EYS: variants seen among roughly 807,000 people sequenced by gnomAD.
EYS encodes EGF-like photoreceptor maintenance factor, also known as protein eyes shut homolog.
EYS carries 250 observed loss-of-function variants against 282.1 expected under a neutral mutation model. The observed-to-expected ratio is 0.89, with a 90% CI of 0.80 to 0.98. The LOEUF is 0.98. Ranked by LOEUF, EYS falls within the 50% of genes least tolerant of loss-of-function variation. The pLI is 0.00. For synonymous variants in EYS, 1,355 were observed against 1,282.9 expected, an observed-to-expected ratio of 1.06 and a Z score of -1.20; for missense variants, 4,016 against 3,709.0, an observed-to-expected ratio of 1.08 and a Z score of -2.15.
chr6:65,442,453 A>C (rs1029408034), intron 5 of EYS, among the ~76,000 whole-genome samples: 2 of 151,964 alleles, frequency 1.3e-5, no homozygotes, highest in Non-Finnish European at 2.9e-5. Context: ...ACTGTTTTTC[A>C]TAAATTTTAA....
At chr6:64,642,488 T>C (rs1020383189) in intron 22 of EYS, among the ~76,000 whole-genome samples, 1 of 152,234 alleles carries the variant, frequency 6.6e-6, no homozygotes, top group African/African-American at 2.4e-5. Flanking sequence ...GTTATCCTAC[T>C]GTGAGTGAAG....
Position 64,536,576 on chromosome 6 carries a change from C to A in EYS, c.5644+53647G>T, listed in dbSNP as rs531900762. Among the ~76,000 whole-genome samples the A allele has an allele frequency of 4.1e-4, 63 of 152,166 alleles. 1 individual carries two copies. The highest frequency in any genetic ancestry group is 6.8e-3 in the Middle Eastern group (2 of 294). On this transcript the variant is annotated intron_variant, in intron 26 of 42. Coordinates refer to ENST00000503581, the MANE Select transcript of EYS (RefSeq NM_001142800.2). The stretch of plus-strand genomic sequence containing the variant: ...ATTGATTTTTCATTTTAAAAGTCTA[C>A]CCTTTTTCCAAATTAATCTTTATAT...
At chr6:63,977,447 C>T (rs934092522) in intron 35 of EYS, among the ~76,000 whole-genome samples, 6 of 152,000 alleles carry the variant, frequency 3.9e-5, no homozygotes, top group Non-Finnish European at 8.8e-5. Context: ...CTTGTTTTCC[C>T]TTCCCAAAGG....
At chr6:63,990,434 C>A (rs1767554101) in intron 34 of EYS, among the ~76,000 whole-genome samples, 1 of 151,716 alleles carries the variant, frequency 6.6e-6, no homozygotes, top group South Asian at 2.1e-4. Context: ...GAAGAGAAAA[C>A]TCCCAGCTTC....
rs10944495 is a variant in EYS, at chr6:64,396,923, A to T, written c.5928-8083T>A. 1.7e-3 allele frequency among the ~76,000 whole-genome samples: 258 copies of T among 151,916 alleles called. 6 individuals carry two copies. In the East Asian group the frequency reaches 0.045, roughly 27 times the overall value. ...GTGTGCATGCATGTGTGTGCACACA[A>T]GGGTGTGTATGTGTGTGTATTCCTG... On this transcript the variant is annotated intron_variant, in intron 28 of 42. Transcript: ENST00000503581.
intron 5 of EYS, among the ~76,000 whole-genome samples, chr6:65,406,663 T>C (rs899455423): frequency 6.6e-6 from 1 of 152,112 alleles, no homozygotes; most frequent in African/African-American, 2.4e-5. Flanking sequence ...ACTTTTTTCT[T>C]TTAAGACTGT....
chr6:64,846,245 C>T (rs1309007017), intron 19 of EYS, among the ~76,000 whole-genome samples: 1 of 152,102 alleles, frequency 6.6e-6, no homozygotes, highest in East Asian at 1.9e-4. Flanking sequence ...TTCATTAAAA[C>T]ATTGCAATGT....
At chr6:63,917,389 C>T (rs1359282785) in intron 35 of EYS, among the ~76,000 whole-genome samples, 1 of 152,222 alleles carries the variant, frequency 6.6e-6, no homozygotes, top group Admixed American at 6.5e-5. Flanking sequence ...TGCAAACAAC[C>T]TCTGTATATT....
chr6:64,509,373 A>G (rs1182891127), intron 26 of EYS, among the ~76,000 whole-genome samples: 2 of 152,084 alleles, frequency 1.3e-5, no homozygotes, highest in African/African-American at 2.4e-5. Flanking sequence ...GCAGACTCCT[A>G]AAGCTGTCTG....
intron 5 of EYS, among the ~76,000 whole-genome samples, chr6:65,417,582 G>C (rs1767290162): frequency 6.6e-6 from 1 of 151,936 alleles, no homozygotes; most frequent in South Asian, 2.1e-4. Flanking sequence ...TGGGCCATCA[G>C]GTCTCTTGGA....
chr6:65,126,289 G>A (rs1775717126), intron 12 of EYS, among the ~76,000 whole-genome samples: 2 of 152,084 alleles, frequency 1.3e-5, no homozygotes, highest in South Asian at 2.1e-4. Flanking sequence ...GCACACGAAT[G>A]TGCTCAATGT....
chr6:65,606,001 TGAG>T (rs1476545604), intron 2 of EYS, among the ~76,000 whole-genome samples: 1 of 151,604 alleles, frequency 6.6e-6, no homozygotes, highest in East Asian at 1.9e-4. Context: ...GATAAAAACT[TGAG>T]GAAATATTTC....
chr6:65,573,540 C>T (rs997332355), intron 2 of EYS, among the ~76,000 whole-genome samples: 4 of 152,126 alleles, frequency 2.6e-5, no homozygotes, highest in Non-Finnish European at 5.9e-5. Flanking sequence ...AAAAGAACTG[C>T]CACAGATACA....
At chr6:64,771,769 A>T (rs760719039) in intron 22 of EYS, among the ~76,000 whole-genome samples, 7 of 151,764 alleles carry the variant, frequency 4.6e-5, no homozygotes, top group Non-Finnish European at 1.0e-4. Flanking sequence ...TTGTGCTTTC[A>T]TACATGTTCA....
intron 5 of EYS, among the ~76,000 whole-genome samples, chr6:65,410,556 C>T (rs1766948283): frequency 6.6e-6 from 1 of 151,736 alleles, no homozygotes. Flanking sequence ...TCCTTCCCCT[C>T]CCCAGTCTCT....
intron 31 of EYS, among the ~76,000 whole-genome samples, chr6:64,218,933 A>G (rs1217804865): frequency 6.6e-6 from 1 of 152,148 alleles, no homozygotes; most frequent in Non-Finnish European, 1.5e-5. Flanking sequence ...ATAACATGTC[A>G]ACCTTGTCAT....
intron 40 of EYS, among the ~76,000 whole-genome samples, chr6:63,767,134 G>A (rs879526570): frequency 1.3e-5 from 2 of 151,970 alleles, no homozygotes; most frequent in African/African-American, 2.4e-5. Context: ...CATCCTGAAC[G>A]GGTGAAAGAT....
intron 35 of EYS, among the ~76,000 whole-genome samples, chr6:63,952,273 C>T (rs543734522): frequency 6.0e-4 from 92 of 152,318 alleles, no homozygotes; most frequent in African/African-American, 2.1e-3. Context: ...CACTGGAAAT[C>T]GGACTATCCA....
At chr6:65,509,652 T>C (rs1371972515) in intron 2 of EYS, among the ~76,000 whole-genome samples, 1 of 152,178 alleles carries the variant, frequency 6.6e-6, no homozygotes, top group African/African-American at 2.4e-5. Context: ...TTCCTAACAA[T>C]CTGTGGATTA....
Sources: allele counts gnomAD v4.1 joint callset (sites outside exome capture counted in the v4.1 genomes callset), GRCh38; gene constraint gnomAD v4.1.1; transcripts MANE v1.5; gene names NCBI Gene and HGNC (gene_info 2026-07-23, HGNC 2026-07-21).